The following AK9 variants were observed in gnomAD, a reference collection of about 807,000 sequenced individuals.
AK9 encodes adenylate kinase 9.
In AK9, 191 loss-of-function variants were observed where a neutral mutation model predicts 239.6. That is an observed-to-expected ratio of 0.80 (90% CI 0.71 to 0.90). The LOEUF is 0.90. AK9 is among the 40% of genes least tolerant of loss of function. The probability of loss-of-function intolerance (pLI) is 0.00; values close to 1 mark genes in which losing one functional copy is unlikely to be tolerated. For missense variants in AK9, 1,995 were observed against 2,214.7 expected (o/e 0.90, Z 1.99); for synonymous variants, 689 against 721.0 (o/e 0.96, Z 0.71).
chr6:109,525,179 G>T lies in AK9; in HGVS notation c.3633+3832C>A, dbSNP rs1425957007. Among the ~76,000 whole-genome samples, 7 of 152,100 alleles carry T rather than the reference G, an allele frequency of 4.6e-5. No homozygotes were observed. In the East Asian group the frequency reaches 1.2e-3, roughly 25 times the overall value. On this transcript the variant is annotated intron_variant, in intron 29 of 40. Transcript: ENST00000424296. The stretch of plus-strand genomic sequence containing the variant: ...TGTCGAAGATCAGATGATTGTAGGT[G>T]TGCAGCTTTATTTCTGAGTTCCATT...
chr6:109,501,492 G>T (rs1426337170), intron 35 of AK9, among the ~76,000 whole-genome samples: 2 of 152,180 alleles, frequency 1.3e-5, no homozygotes, highest in African/African-American at 4.8e-5. Context: ...TACACAACAT[G>T]AAGGGATCTT....
chr6:109,575,783 T>C (rs1450739424), intron 20 of AK9, among the ~76,000 whole-genome samples: 1 of 152,224 alleles, frequency 6.6e-6, no homozygotes, highest in Non-Finnish European at 1.5e-5. Flanking sequence ...CTTCTAGAAT[T>C]TTTATGGTTT....
intron 21 of AK9, among the ~76,000 whole-genome samples, chr6:109,568,690 G>C (rs1020554341): frequency 6.6e-6 from 1 of 152,062 alleles, no homozygotes; most frequent in Non-Finnish European, 1.5e-5. Flanking sequence ...TTGCTTCAAA[G>C]AGAATAAAAT....
Position 109,610,393 on chromosome 6 carries a change from G to A in AK9, c.1814C>T (p.Ala605Val). The change falls in exon 17 of 41, where the codon GCT becomes GTT. Residue 605 changes from alanine (A) to valine (V), a missense_variant. Transcript: ENST00000424296. ...INFEQPYEKHAEILQEVLGEV... is the reference protein window; with the variant it reads ...INFEQPYEKHVEILQEVLGEV... Reference sequence around the variant, plus strand: ...TCCAAGGACTTCCTGTAAGATTTCAGCATGTTTTTCATATGGCTGTTCAAA... The same window carrying A: ...TCCAAGGACTTCCTGTAAGATTTCAACATGTTTTTCATATGGCTGTTCAAA... 6.4e-7 allele frequency: 1 copy of A among 1,551,568 alleles called. No homozygotes were observed. The highest frequency in any genetic ancestry group is 1.2e-5 in the South Asian group (1 of 84,050).
chr6:109,523,595 C>A (rs1303261850), intron 29 of AK9, among the ~76,000 whole-genome samples: 3 of 152,092 alleles, frequency 2.0e-5, no homozygotes, highest in Non-Finnish European at 2.9e-5. Context: ...GCCGAGAGGG[C>A]AGTTTCAGAG....
At chr6:109,516,363 T>A (rs1371504252) in intron 30 of AK9, 67 bp downstream of exon 30, 1 of 1,357,380 alleles carries the variant, frequency 7.4e-7, no homozygotes, top group Non-Finnish European at 1.0e-6. Flanking sequence ...TGGCATGAAC[T>A]AAATTGCTTT....
At chr6:109,501,392 G>A (rs1008124620) in intron 35 of AK9, among the ~76,000 whole-genome samples, 2 of 152,112 alleles carry the variant, frequency 1.3e-5, no homozygotes, top group African/African-American at 2.4e-5. Context: ...AAAGGAGATG[G>A]TTGGGAAACC....
chr6:109,619,691 C>T (rs763484502), intron 12 of AK9, among the ~76,000 whole-genome samples: 26 of 151,894 alleles, frequency 1.7e-4, no homozygotes, highest in Non-Finnish European at 3.1e-4. Context: ...TTTGTAATCC[C>T]AGTACTTTGG....
intron 29 of AK9, among the ~76,000 whole-genome samples, chr6:109,525,480 C>T (rs1332695578): frequency 6.6e-6 from 1 of 152,068 alleles, no homozygotes; most frequent in Non-Finnish European, 1.5e-5. Context: ...AAAACAACAA[C>T]CCCATTAAAA....
intron 19 of AK9, among the ~76,000 whole-genome samples, chr6:109,582,891 A>G (rs893628980): frequency 1.3e-5 from 2 of 152,194 alleles, no homozygotes; most frequent in Non-Finnish European, 2.9e-5. Context: ...TTTGGCAACC[A>G]CTACCCTTAT....
chr6:109,690,524 G>A (rs558233599), intron 1 of AK9: 1 of 152,112 alleles, frequency 6.6e-6, no homozygotes, highest in African/African-American at 2.4e-5. Context: ...GGGACTCCGC[G>A]GGGCTGTCGG....
At chr6:109,553,538 C>T (rs142565949) in intron 24 of AK9, among the ~76,000 whole-genome samples, 5 of 152,120 alleles carry the variant, frequency 3.3e-5, no homozygotes, top group African/African-American at 7.2e-5. Context: ...CTGTGATTTA[C>T]GAACATTGAT....
intron 10 of AK9, among the ~76,000 whole-genome samples, chr6:109,634,959 G>A (rs769022177): frequency 2.6e-5 from 4 of 152,180 alleles, no homozygotes. Flanking sequence ...CGTTCAGCAG[G>A]TGCCGAAGGG....
intron 17 of AK9, among the ~76,000 whole-genome samples, chr6:109,593,650 A>G (rs1240104893): frequency 6.6e-6 from 1 of 152,216 alleles, no homozygotes; most frequent in East Asian, 1.9e-4. Context: ...GCAGCACATC[A>G]AAAAACTTAT....
At chr6:109,568,576 C>T (rs1430286835) in intron 21 of AK9, among the ~76,000 whole-genome samples, 3 of 152,194 alleles carry the variant, frequency 2.0e-5, no homozygotes, top group Non-Finnish European at 4.4e-5. Flanking sequence ...ACAACTTCAG[C>T]AAAGTCTCAG....
intron 8 of AK9, among the ~76,000 whole-genome samples, chr6:109,656,162 A>C (rs181613221): frequency 5.3e-5 from 8 of 152,326 alleles, no homozygotes; most frequent in Admixed American, 3.9e-4. Flanking sequence ...AAATGATTAC[A>C]TTTGGTAGAG....
chr6:109,662,416 T>C (rs1356263765), intron 6 of AK9, 135 bp downstream of exon 6: 3 of 684,456 alleles, frequency 4.4e-6, no homozygotes, highest in Non-Finnish European at 6.1e-6. Flanking sequence ...CTATGAGAAG[T>C]ATGACTCAGT....
chr6:109,603,766 C>T (rs944353643), intron 17 of AK9, among the ~76,000 whole-genome samples: 24 of 152,158 alleles, frequency 1.6e-4, no homozygotes, highest in Admixed American at 9.8e-4. Flanking sequence ...CAAGCCTCAG[C>T]GATGGCAGGC....
At chr6:109,511,062 T>G (rs1214999167) in intron 32 of AK9, among the ~76,000 whole-genome samples, 1 of 76,690 alleles carries the variant, frequency 1.3e-5, no homozygotes, top group Non-Finnish European at 2.6e-5. Context: ...ATCTGCTTGT[T>G]TTTTTTTTTT....
Sources: gnomAD v4.1 joint callset for allele counts (sites outside exome capture counted in the v4.1 genomes callset) on GRCh38, gnomAD v4.1.1 for gene constraint, MANE v1.5 for transcripts, NCBI Gene and HGNC (gene_info 2026-07-23, HGNC 2026-07-21) for gene names.